Variants in EPHB3 observed in about 807,000 individuals in gnomAD.
EPHB3 encodes ephrin type-B receptor 3.
Under a neutral mutation model 100.2 loss-of-function variants are expected in EPHB3, and 33 were observed. The ratio of observed to expected loss-of-function variants is 0.33; its 90% CI spans 0.25 to 0.44. The LOEUF is 0.44. EPHB3 is among the 20% of genes least tolerant of loss of function. The pLI is 1.00. For missense variants in EPHB3, 1,045 were observed against 1,378.3 expected, an observed-to-expected ratio of 0.76 and a Z score of 3.83; for synonymous variants, 526 against 554.7, an observed-to-expected ratio of 0.95 and a Z score of 0.73.
At position 184,562,131 on chromosome 3, in the gene EPHB3, C is replaced by T. The variant is rs1714266490; in HGVS notation, c.-105C>T. ...TGGATCTCCTGGGACCCGACGCGAGCCTGCCCCGGAGCCCGCCGAGCGCAC... is the reference window on the plus strand; with the variant it reads ...TGGATCTCCTGGGACCCGACGCGAGTCTGCCCCGGAGCCCGCCGAGCGCAC... On this transcript the variant is annotated 5_prime_UTR_variant, in exon 1 of 16. Coordinates refer to ENST00000330394, the MANE Select transcript of EPHB3 (RefSeq NM_004443.4). The surrounding 1 kb of genome is among the most constrained non-coding windows in gnomAD (Gnocchi z 4.8). The T allele has an allele frequency of 5.6e-6, 1 of 180,078 alleles. No homozygotes were observed. The allele number at this position is 180,078 out of a possible 1,614,324, so 11.2% of individuals were successfully genotyped here.
chr3:184,575,133 C>T (rs1413650951), intron 3 of EPHB3: 5 of 985,182 alleles, frequency 5.1e-6, no homozygotes, highest in Middle Eastern at 5.2e-4. Context: ...TGTCCAGGGG[C>T]CCAAGGGTAG....
chr3:184,576,229 C>T (rs978140973), intron 4 of EPHB3, among the ~76,000 whole-genome samples: 1 of 151,342 alleles, frequency 6.6e-6, no homozygotes, highest in African/African-American at 2.4e-5. Flanking sequence ...CCTAGCCATG[C>T]TCAGGAACTT....
In EPHB3 at chr3:184,569,075, T is replaced by C. The variant is rs1402847783; in HGVS notation, c.119-2243T>C. Among the ~76,000 whole-genome samples the C allele has an allele frequency of 6.6e-6, 1 of 151,834 alleles. No homozygotes were observed. The highest frequency in any genetic ancestry group is 1.5e-5 in the Non-Finnish European group (1 of 67,976). On this transcript the variant is annotated intron_variant, in intron 1 of 15. Transcript: ENST00000330394. The surrounding 1 kb of genome is among the most constrained non-coding windows in gnomAD (Gnocchi z 5.4). ...GCTGGAGGGGGAGGGGGCTGAATAT[T>C]TGGGTTTAAACAGTTCCAGATGGGT...
At chr3:184,567,480 GGTGTGTGTGTGTGT>G (rs58429187) in intron 1 of EPHB3, among the ~76,000 whole-genome samples, 10 of 148,564 alleles carry the variant, frequency 6.7e-5, no homozygotes, top group African/African-American at 1.5e-4. Flanking sequence ...ATGCTTGCAG[GGTGTGTGTGTGTGT>G]GTGTGTGTGT....
At chr3:184,580,270 C>A in intron 11 of EPHB3, 132 bp from the exon 12 acceptor site, 1 of 1,184,718 alleles carries the variant, frequency 8.4e-7, no homozygotes, top group Non-Finnish European at 1.2e-6. Context: ...AGCTCACTTA[C>A]CCTCAGGGCA....
Position 184,563,464 on chromosome 3 carries a change from TTA to T in EPHB3, c.118+1113_118+1114del, listed in dbSNP as rs1714310429. ...GAACTCTGTGGAACTTGGCTTGTTC[TTA>T]TGTTCACAGTCGGTAAACTTAAAGG... On this transcript the variant is annotated intron_variant, in intron 1 of 15. Coordinates refer to ENST00000330394, the MANE Select transcript of EPHB3 (RefSeq NM_004443.4). This position sits in a 1 kb window ranked among gnomAD's most constrained non-coding sequence, Gnocchi z 4.1. 6.6e-6 allele frequency among the ~76,000 whole-genome samples: 1 copy of T among 152,218 alleles called. No individual in the cohort carries two copies. The highest frequency in any genetic ancestry group is 1.5e-5 in the Non-Finnish European group (1 of 68,028).
Position 184,578,153 on chromosome 3 carries a change from C to A in EPHB3, c.1748+147C>A. ...TGGGGCCAGCCGTTGCTGGAGAAGCCCTCTCCCATCCCTGCCTGTGTCTTC... is the reference window on the plus strand; with the variant it reads ...TGGGGCCAGCCGTTGCTGGAGAAGCACTCTCCCATCCCTGCCTGTGTCTTC... On this transcript the variant is annotated intron_variant, in intron 8 of 15. Transcript: ENST00000330394. The surrounding 1 kb of genome is among the most constrained non-coding windows in gnomAD (Gnocchi z 4.7). 1 of 921,172 alleles carries A rather than the reference C, an allele frequency of 1.1e-6. No individual in the cohort carries two copies. The highest frequency in any genetic ancestry group is 1.6e-6 in the Non-Finnish European group (1 of 623,740). 57.1% of individuals were successfully genotyped at this position (921,172 alleles called of 1,614,324 possible). A position where few individuals can be genotyped will look rare whatever the true frequency, so the allele number is the denominator to read the frequency against.
rs541457406 is a variant in EPHB3 at position 184,573,249 on chromosome 3, C to G, written c.856+73C>G. 2.5e-5 allele frequency: 40 copies of G among 1,574,036 alleles called. No individual in the cohort carries two copies. In the South Asian group the frequency reaches 3.3e-4, roughly 13 times the overall value. ...CACAGCTACCTACCGCCCCGCCCCC[C>G]ACCCCTGCTTGCTATCTGACTAGGA... On this transcript the variant is annotated intron_variant, in intron 3 of 15. Transcript: ENST00000330394. The surrounding 1 kb of genome is among the most constrained non-coding windows in gnomAD (Gnocchi z 4.5).
Position 184,579,739 on chromosome 3 carries a change from G to A in EPHB3, c.1977G>A (p.Glu659=), listed in dbSNP as rs747590176. ...GACTGAAACAGCCTGGCCGCCGAGA[G>A]GTGTTTGTGGCCATCAAGACGCTGA... is the stretch of plus-strand genomic sequence containing the variant. ...RGRLKQPGRR[E]VFVAIKTLKV... Residue 659 remains glutamate (E), a synonymous_variant, in exon 11 of 16, where the codon GAG becomes GAA. Coordinates refer to ENST00000330394, the MANE Select transcript of EPHB3 (RefSeq NM_004443.4). The surrounding 1 kb of genome is among the most constrained non-coding windows in gnomAD (Gnocchi z 5.2). 4 of 1,613,358 alleles carry A rather than the reference G, an allele frequency of 2.5e-6. No individual in the cohort carries two copies. The highest frequency in any genetic ancestry group is 2.2e-5 in the South Asian group (2 of 91,036).
At chr3:184,580,068 A>G in intron 11 of EPHB3, 134 bp downstream of exon 11, 1 of 1,368,514 alleles carries the variant, frequency 7.3e-7, no homozygotes, top group African/African-American at 1.5e-5. Flanking sequence ...GGGAAATGGC[A>G]GGGCCTTCAT....
chr3:184,576,057 C>T (rs1331304070), intron 4 of EPHB3, 72 bp downstream of exon 4: 2 of 1,511,158 alleles, frequency 1.3e-6, no homozygotes, highest in South Asian at 1.3e-5. Context: ...GAAGCCTAAG[C>T]AGTCACTATG....
At chr3:184,580,300 A>G in intron 11 of EPHB3, 102 bp from the exon 12 acceptor site, 3 of 1,451,352 alleles carry the variant, frequency 2.1e-6, no homozygotes, top group South Asian at 1.2e-5. Flanking sequence ...TGGTTGCAGG[A>G]GAGACGAGGT....
Position 184,581,690 on chromosome 3 carries a change from C to A in EPHB3, c.*68C>A, listed in dbSNP as rs1412953561. On this transcript the variant is annotated 3_prime_UTR_variant, in exon 16 of 16. Coordinates refer to ENST00000330394, the MANE Select transcript of EPHB3 (RefSeq NM_004443.4). ...AAGCAGCCGGCTGGACTTTCGGACT[C>A]TTGGACTTTTGGATGCCTGGCCTTA... The A allele has an allele frequency of 1.1e-5, 16 of 1,432,846 alleles. No homozygotes were observed. The highest frequency in any genetic ancestry group is 1.4e-5 in the Non-Finnish European group (15 of 1,075,200). The allele number at this position is 1,432,846 out of a possible 1,614,324, so 88.8% of individuals were successfully genotyped here.
Position 184,581,889 on chromosome 3 carries a change from C to G in EPHB3, c.*267C>G, listed in dbSNP as rs1467522035. ...GGGCCCAGACCTTCCTGCTCTCCAG[C>G]AGGGGATCCCCACAACCTCACACTT... is the stretch of plus-strand genomic sequence containing the variant. On this transcript the variant is annotated 3_prime_UTR_variant, in exon 16 of 16. Coordinates refer to ENST00000330394, the MANE Select transcript of EPHB3 (RefSeq NM_004443.4). The G allele has an allele frequency of 2.4e-6, 1 of 408,218 alleles. No individual in the cohort carries two copies. Among genetic ancestry groups the G allele is most frequent in the Non-Finnish European group, 4.3e-6 (1 of 230,068 alleles). The allele number at this position is 408,218 out of a possible 1,614,324, so 25.3% of individuals were successfully genotyped here.
chr3:184,562,365 C>CG lies in EPHB3; in HGVS notation c.118+18dup. On this transcript the variant is annotated intron_variant, in intron 1 of 15. Coordinates refer to ENST00000330394, the MANE Select transcript of EPHB3 (RefSeq NM_004443.4). This position sits in a 1 kb window ranked among gnomAD's most constrained non-coding sequence, Gnocchi z 4.8. ...CCGGGCGCTGGAAGGTGAGCGGCGT[C>CG]GGGGGGCGCGCCCGGGAACAAGGTG... 4 of 1,219,570 alleles carry CG rather than the reference C, an allele frequency of 3.3e-6. No homozygotes were observed. Among genetic ancestry groups the CG allele is most frequent in the South Asian group, 3.7e-5 (1 of 26,974 alleles). 75.5% of individuals were successfully genotyped at this position (1,219,570 alleles called of 1,614,324 possible). A position where few individuals can be genotyped will look rare whatever the true frequency, so the allele number is the denominator to read the frequency against.
intron 1 of EPHB3, among the ~76,000 whole-genome samples, chr3:184,567,480 G>GGC (rs1258116924): frequency 6.7e-6 from 1 of 148,564 alleles, no homozygotes; most frequent in African/African-American, 2.5e-5. Flanking sequence ...ATGCTTGCAG[G>GGC]GTGTGTGTGT....
At chr3:184,575,009 G>T (rs1486170123) in intron 3 of EPHB3, among the ~76,000 whole-genome samples, 1 of 152,218 alleles carries the variant, frequency 6.6e-6, no homozygotes, top group Non-Finnish European at 1.5e-5. Context: ...TGTCTAGGAG[G>T]GTCTTGGTTT....
intron 1 of EPHB3, among the ~76,000 whole-genome samples, chr3:184,570,861 G>A (rs1294638864): frequency 6.6e-6 from 1 of 152,184 alleles, no homozygotes; most frequent in Non-Finnish European, 1.5e-5. Flanking sequence ...GATGGCCGCA[G>A]GGTCTCCTGT....
Position 184,578,938 on chromosome 3 carries a change from A to C in EPHB3, c.1801+472A>C, listed in dbSNP as rs1023466013. Among the ~76,000 whole-genome samples, 6 of 151,930 alleles carry C rather than the reference A, an allele frequency of 3.9e-5. No homozygotes were observed. Among genetic ancestry groups the C allele is most frequent in the African/African-American group, 1.5e-4 (6 of 41,358 alleles). On this transcript the variant is annotated intron_variant, in intron 9 of 15. Coordinates refer to ENST00000330394, the MANE Select transcript of EPHB3 (RefSeq NM_004443.4). The surrounding 1 kb of genome is among the most constrained non-coding windows in gnomAD (Gnocchi z 4.7). ...GTGGGCGGGGTGGGGAAGGAGCCCAACTGTGGGGGCAGCGAGAAGACTGGT... is the reference window on the plus strand; with the variant it reads ...GTGGGCGGGGTGGGGAAGGAGCCCACCTGTGGGGGCAGCGAGAAGACTGGT...
Sources: allele counts gnomAD v4.1 joint callset (sites outside exome capture counted in the v4.1 genomes callset), GRCh38; gene constraint gnomAD v4.1.1; non-coding constraint Gnocchi (gnomAD v3.1); transcripts MANE v1.5; gene names NCBI Gene and HGNC (gene_info 2026-07-23, HGNC 2026-07-21).